The following FBXL13 variants were observed in gnomAD, a reference collection of about 807,000 sequenced individuals.
The protein encoded by FBXL13 is F-box and leucine rich repeat protein 13, also known as F-box and leucine-rich repeat protein 13.
Under a neutral mutation model 83.6 loss-of-function variants are expected in FBXL13, and 67 were observed. The ratio of observed to expected loss-of-function variants is 0.80; its 90% confidence interval spans 0.66 to 0.98. The LOEUF (loss-of-function observed/expected upper bound fraction) is 0.98, where lower values mean the gene tolerates loss of function less well. FBXL13 is among the 50% of genes least tolerant of loss of function. The probability of loss-of-function intolerance (pLI) is 0.00; values close to 1 mark genes in which losing one functional copy is unlikely to be tolerated. For synonymous variants in FBXL13, 272 were observed against 299.5 expected (o/e 0.91, Z 0.95); for missense variants, 822 against 866.5 (o/e 0.95, Z 0.64).
intron 6 of FBXL13, among the ~76,000 whole-genome samples, chr7:103,010,973 G>A (rs537446162): frequency 2.0e-5 from 3 of 151,962 alleles, no homozygotes; most frequent in South Asian, 2.1e-4. Context: ...AAGGCCAGTC[G>A]ACAGACCACC....
intron 17 of FBXL13, among the ~76,000 whole-genome samples, chr7:102,845,652 T>C (rs1803806354): frequency 6.6e-6 from 1 of 152,206 alleles, no homozygotes; most frequent in African/African-American, 2.4e-5. Flanking sequence ...TAAATGTTCA[T>C]GTTCTCTAAT....
intron 11 of FBXL13, among the ~76,000 whole-genome samples, chr7:102,909,703 C>T (rs553893673): frequency 2.6e-5 from 4 of 152,242 alleles, no homozygotes; most frequent in South Asian, 4.1e-4. Context: ...GAACCTGGAA[C>T]GAGGGCCTTA....
At chr7:103,074,618 C>G, upstream of FBXL13, 1 of 1,259,102 alleles carries the variant, frequency 7.9e-7, no homozygotes, top group Non-Finnish European at 1.0e-6. Context: ...AGTCCCTCCT[C>G]CGGGAAGTCT....
At chr7:102,854,166 A>G (rs1584637915) in intron 17 of FBXL13, among the ~76,000 whole-genome samples, 1 of 152,216 alleles carries the variant, frequency 6.6e-6, no homozygotes, top group Admixed American at 6.5e-5. Flanking sequence ...TGTGGCACAT[A>G]TACACCATGG....
chr7:102,855,507 T>A (rs1805908723), intron 16 of FBXL13, among the ~76,000 whole-genome samples: 1 of 152,162 alleles, frequency 6.6e-6, no homozygotes, highest in African/African-American at 2.4e-5. Flanking sequence ...GGCACAACAC[T>A]CAGATAAGGA....
In FBXL13 at chr7:102,991,170, G is replaced by A. The variant is rs1191618958; in HGVS notation, c.496-23053C>T. 8.5e-5 allele frequency among the ~76,000 whole-genome samples: 13 copies of A among 152,080 alleles called. 1 individual carries two copies. In the East Asian group the frequency reaches 2.3e-3, roughly 27 times the overall value. On this transcript the variant is annotated intron_variant, in intron 6 of 19. Coordinates refer to ENST00000313221, the Ensembl canonical transcript of FBXL13. ...AGAAAGTGAAATTACATGCTAAAAA[G>A]AAAAAAATATGCAGTAGGGGGTAAA...
intron 14 of FBXL13, among the ~76,000 whole-genome samples, chr7:102,882,180 G>A (rs1810189776): frequency 6.6e-6 from 1 of 152,120 alleles, no homozygotes; most frequent in African/African-American, 2.4e-5. Context: ...AGGACCACTT[G>A]AGCCCAGGAG....
chr7:102,829,570 C>T (rs2129446979), intron 18 of FBXL13, among the ~76,000 whole-genome samples: 1 of 152,280 alleles, frequency 6.6e-6, no homozygotes. Context: ...CAGTGTTAAC[C>T]ACAGGGCCTA....
chr7:102,909,648 T>A (rs1481866662), intron 11 of FBXL13, among the ~76,000 whole-genome samples: 1 of 152,142 alleles, frequency 6.6e-6, no homozygotes, highest in Non-Finnish European at 1.5e-5. Flanking sequence ...GGCAGCAGGT[T>A]CCCTTCTGGC....
At chr7:102,939,795 C>T (rs184640500) in intron 8 of FBXL13, among the ~76,000 whole-genome samples, 2 of 152,194 alleles carry the variant, frequency 1.3e-5, no homozygotes, top group Admixed American at 1.3e-4. Flanking sequence ...TATGTAATAC[C>T]ACATATTACT....
chr7:103,061,952 A>C (rs1465983910), intron 1 of FBXL13, among the ~76,000 whole-genome samples: 4 of 151,200 alleles, frequency 2.6e-5, no homozygotes, highest in Non-Finnish European at 5.9e-5. Flanking sequence ...AAAAAAAAAA[A>C]AAAAACCTGA....
chr7:103,050,415 T>C (rs893925626), intron 2 of FBXL13, among the ~76,000 whole-genome samples: 3 of 152,236 alleles, frequency 2.0e-5, no homozygotes, highest in Admixed American at 1.3e-4. Flanking sequence ...ATTAACTTTT[T>C]TCGTTTTGGC....
At chr7:102,820,774 C>T (rs766394866) in intron 19 of FBXL13, among the ~76,000 whole-genome samples, 5 of 152,172 alleles carry the variant, frequency 3.3e-5, no homozygotes, top group Admixed American at 3.3e-4. Flanking sequence ...TGATAACTAA[C>T]TCACTTCCAT....
intron 1 of FBXL13, among the ~76,000 whole-genome samples, chr7:103,060,020 T>TTATATACATATA (rs1797707285): frequency 2.0e-5 from 1 of 50,070 alleles, no homozygotes; most frequent in African/African-American, 5.7e-5. Context: ...GCAAGATATT[T>TTATATACATATA]TATATATATA....
intron 7 of FBXL13, among the ~76,000 whole-genome samples, chr7:102,964,310 C>CA (rs142441296): frequency 0.53 from 74,626 of 141,860 alleles, 21,004 homozygotes; most frequent in Non-Finnish European, 0.63. Context: ...AACTCCAACT[C>CA]AAAAAAAAAA....
intron 6 of FBXL13, among the ~76,000 whole-genome samples, chr7:103,015,440 CCA>C (rs1792175228): frequency 6.6e-6 from 1 of 152,112 alleles, no homozygotes; most frequent in South Asian, 2.1e-4. Context: ...CTAGAAAACC[CCA>C]CAGTCTCTGC....
intron 2 of FBXL13, among the ~76,000 whole-genome samples, chr7:103,030,868 G>A (rs1041626682): frequency 2.6e-5 from 4 of 151,536 alleles, no homozygotes; most frequent in Non-Finnish European, 4.4e-5. Flanking sequence ...AATTTTTGTT[G>A]TTCTAATATT....
At chr7:103,074,240 GC>G in intron 1 of FBXL13, 2 of 995,768 alleles carry the variant, frequency 2.0e-6, no homozygotes, top group Non-Finnish European at 2.4e-6. Flanking sequence ...GAAACCTCAG[GC>G]TCACCTTGGG....
At chr7:102,919,180 T>A (rs1178988815) in intron 10 of FBXL13, among the ~76,000 whole-genome samples, 1 of 152,184 alleles carries the variant, frequency 6.6e-6, no homozygotes, top group Non-Finnish European at 1.5e-5. Context: ...CAGAAATCAG[T>A]AAACACTAGG....
Sources: allele counts gnomAD v4.1 joint callset (sites outside exome capture counted in the v4.1 genomes callset), GRCh38; gene constraint gnomAD v4.1.1; transcripts MANE v1.5; gene names NCBI Gene and HGNC (gene_info 2026-07-23, HGNC 2026-07-21).